The following CHRM3 variants were observed in gnomAD, a reference collection of about 807,000 sequenced individuals.
CHRM3 encodes cholinergic receptor muscarinic 3.
CHRM3 carries 11 observed loss-of-function variants against 41.8 expected under a neutral mutation model. The observed-to-expected ratio is 0.26, with a 90% CI of 0.17 to 0.44. The LOEUF is 0.44. CHRM3 is among the 20% of genes least tolerant of loss of function. CHRM3 has a pLI of 1.00. For missense variants in CHRM3, 571 were observed against 745.4 expected (o/e 0.77, Z 2.72); for synonymous variants, 297 against 301.4 (o/e 0.99, Z 0.15).
In CHRM3 at chr1:239,717,215, G is replaced by A. The variant is rs967327230; in HGVS notation, c.-147+38927G>A. On this transcript the variant is annotated intron_variant, in intron 5 of 6. Coordinates refer to ENST00000676153, the MANE Select transcript of CHRM3 (RefSeq NM_001375978.1). ...TAAGGCTTATGGGTGTATTAAAACTGTGCCCTTGCAGAGGAAGTAGCCTTG... is the reference window on the plus strand; with the variant it reads ...TAAGGCTTATGGGTGTATTAAAACTATGCCCTTGCAGAGGAAGTAGCCTTG... 2.6e-5 allele frequency among the ~76,000 whole-genome samples: 4 copies of A among 152,210 alleles called. 1 individual carries two copies. The highest frequency in any genetic ancestry group is 6.8e-3 in the Middle Eastern group (2 of 294).
intron 6 of CHRM3, among the ~76,000 whole-genome samples, chr1:239,884,267 T>C (rs1472665993): frequency 1.3e-5 from 2 of 152,114 alleles, no homozygotes; most frequent in East Asian, 3.9e-4. Flanking sequence ...GGTGTCCTCA[T>C]ACAAGACATA....
At chr1:239,511,484 A>T (rs1668918371) in intron 2 of CHRM3, among the ~76,000 whole-genome samples, 1 of 152,206 alleles carries the variant, frequency 6.6e-6, no homozygotes, top group African/African-American at 2.4e-5. Context: ...AAAAGTATCA[A>T]ATGTGATTTC....
At chr1:239,571,693 G>A (rs372501875) in intron 3 of CHRM3, among the ~76,000 whole-genome samples, 27 of 152,180 alleles carry the variant, frequency 1.8e-4, no homozygotes, top group East Asian at 7.7e-4. Context: ...TCTCCTGCAC[G>A]TCATTACACT....
intron 4 of CHRM3, among the ~76,000 whole-genome samples, chr1:239,641,292 A>G (rs1368817863): frequency 1.3e-5 from 2 of 151,856 alleles, no homozygotes; most frequent in African/African-American, 4.8e-5. Context: ...CGCTTGGTGC[A>G]GAGCTGAGTT....
chr1:239,438,462 ATC>A (rs1364904045), intron 1 of CHRM3, among the ~76,000 whole-genome samples: 1 of 152,216 alleles, frequency 6.6e-6, no homozygotes, highest in African/African-American at 2.4e-5. Context: ...GCCCACTGAC[ATC>A]TCTCTGCTTT....
chr1:239,637,408 T>A (rs1337430929), intron 4 of CHRM3, among the ~76,000 whole-genome samples: 1 of 152,022 alleles, frequency 6.6e-6, no homozygotes, highest in East Asian at 1.9e-4. Context: ...CACATATCAC[T>A]GAATATCTTC....
At chr1:239,745,618 T>C (rs895423528) in intron 5 of CHRM3, among the ~76,000 whole-genome samples, 3 of 152,064 alleles carry the variant, frequency 2.0e-5, no homozygotes, top group African/African-American at 7.2e-5. Context: ...ACATTAGGTA[T>C]TTCTCCTAAT....
Position 239,909,580 on chromosome 1 carries a change from G to A in CHRM3, c.*356G>A, listed in dbSNP as rs1327972490. ...TCCCATTAGCTTTGGAATCTCAGAT[G>A]AGCATAGCTGACCCAGTTCCCACAT... On this transcript the variant is annotated 3_prime_UTR_variant, in exon 7 of 7. Transcript: ENST00000676153. 5.1e-6 allele frequency: 1 copy of A among 195,064 alleles called. No individual in the cohort carries two copies. The highest frequency in any genetic ancestry group is 1.6e-4 in the East Asian group (1 of 6,338). 12.1% of individuals were successfully genotyped at this position (195,064 alleles called of 1,614,324 possible).
intron 5 of CHRM3, among the ~76,000 whole-genome samples, chr1:239,751,491 C>T (rs964283685): frequency 6.6e-6 from 1 of 152,322 alleles, no homozygotes; most frequent in Admixed American, 6.5e-5. Context: ...TCTTCTCCAA[C>T]TGACTTATAC....
intron 2 of CHRM3, among the ~76,000 whole-genome samples, chr1:239,541,283 C>T (rs996845480): frequency 3.3e-5 from 5 of 152,020 alleles, no homozygotes; most frequent in African/African-American, 1.2e-4. Flanking sequence ...TTCCTTTGAA[C>T]ACATATAAGT....
intron 1 of CHRM3, among the ~76,000 whole-genome samples, chr1:239,447,859 A>T (rs906480412): frequency 1.3e-5 from 2 of 152,226 alleles, no homozygotes; most frequent in African/African-American, 4.8e-5. Flanking sequence ...ATAAATTAGG[A>T]TATTTTTCTC....
At chr1:239,654,204 A>G (rs977934945) in intron 4 of CHRM3, among the ~76,000 whole-genome samples, 1 of 152,020 alleles carries the variant, frequency 6.6e-6, no homozygotes, top group African/African-American at 2.4e-5. Context: ...TCCTGGGTTT[A>G]AGCAATCCTC....
intron 5 of CHRM3, among the ~76,000 whole-genome samples, chr1:239,702,771 A>G (rs1048464843): frequency 3.3e-5 from 5 of 152,190 alleles, no homozygotes; most frequent in African/African-American, 7.2e-5. Context: ...CCACCAGGTA[A>G]TACGATTTTA....
At chr1:239,679,027 GGATA>G (rs61514483) in intron 5 of CHRM3, among the ~76,000 whole-genome samples, 7,465 of 148,738 alleles carry the variant, frequency 0.05, 288 homozygotes, top group African/African-American at 0.1. Flanking sequence ...GTAGATAGAT[GGATA>G]GATAGATAGA....
At chr1:239,614,632 G>T (rs1285496933) in intron 3 of CHRM3, among the ~76,000 whole-genome samples, 1 of 152,150 alleles carries the variant, frequency 6.6e-6, no homozygotes, top group East Asian at 1.9e-4. Flanking sequence ...TACCAAATAG[G>T]TTTATGCTGG....
chr1:239,808,272 C>A (rs1670823028), intron 5 of CHRM3, among the ~76,000 whole-genome samples: 1 of 151,946 alleles, frequency 6.6e-6, no homozygotes, highest in African/African-American at 2.4e-5. Context: ...TTTGTTTATC[C>A]TCGTATGTGA....
At chr1:239,395,684 A>G (rs920131983) in intron 1 of CHRM3, among the ~76,000 whole-genome samples, 22 of 152,188 alleles carry the variant, frequency 1.4e-4, no homozygotes, top group African/African-American at 5.3e-4. Context: ...ACCAGCCTTC[A>G]GGTGATGCAG....
chr1:239,439,635 C>T (rs1188151730), intron 1 of CHRM3, among the ~76,000 whole-genome samples: 2 of 152,150 alleles, frequency 1.3e-5, no homozygotes, highest in Admixed American at 6.5e-5. Flanking sequence ...CTACAAAAAA[C>T]TGATCTTTAA....
At chr1:239,601,640 A>G (rs981845045) in intron 3 of CHRM3, among the ~76,000 whole-genome samples, 4 of 152,188 alleles carry the variant, frequency 2.6e-5, no homozygotes, top group African/African-American at 4.8e-5. Flanking sequence ...AATGGTAGGA[A>G]ATACTCTGAC....
Sources: gnomAD v4.1 joint callset for allele counts (sites outside exome capture counted in the v4.1 genomes callset) on GRCh38, gnomAD v4.1.1 for gene constraint, MANE v1.5 for transcripts, NCBI Gene and HGNC (gene_info 2026-07-23, HGNC 2026-07-21) for gene names.